Variants in TECPR2 observed in about 807,000 individuals in gnomAD.
The protein encoded by TECPR2 is tectonin beta-propeller repeat containing 2, also known as tectonin beta-propeller repeat-containing protein 2.
Under a neutral mutation model 138.1 loss-of-function variants are expected in TECPR2, and 65 were observed. The observed-to-expected ratio is 0.47, with a 90% CI of 0.39 to 0.58. The LOEUF is 0.58. TECPR2 is among the 20% of genes least tolerant of loss of function. TECPR2 has a pLI of 0.00. For missense variants in TECPR2, 1,553 were observed against 1,824.5 expected (o/e 0.85, Z 2.71); for synonymous variants, 746 against 749.8 (o/e 0.99, Z 0.08).
intron 5 of TECPR2, among the ~76,000 whole-genome samples, chr14:102,418,458 T>C (rs1567332352): frequency 6.6e-6 from 1 of 152,216 alleles, no homozygotes; most frequent in African/African-American, 2.4e-5. Flanking sequence ...GGAGGTAGCA[T>C]GGGCTGATTC....
intron 1 of TECPR2, among the ~76,000 whole-genome samples, chr14:102,365,367 G>A (rs1382684398): frequency 6.6e-6 from 1 of 152,216 alleles, no homozygotes; most frequent in African/African-American, 2.4e-5. Flanking sequence ...AGGCTTCCTG[G>A]TGGCGGAGGA....
intron 17 of TECPR2, among the ~76,000 whole-genome samples, chr14:102,485,373 CCTTT>C (rs1404440644): frequency 1.3e-5 from 2 of 152,164 alleles, no homozygotes; most frequent in African/African-American, 4.8e-5. Context: ...TTTGCCACTT[CCTTT>C]AATTTTTTCC....
At position 102,420,940 on chromosome 14, in the gene TECPR2, G is replaced by A. The variant is rs777987947; in HGVS notation, c.639-4039G>A. On this transcript the variant is annotated intron_variant, in intron 5 of 19. Coordinates refer to ENST00000359520, the MANE Select transcript of TECPR2 (RefSeq NM_014844.5). The surrounding 1 kb of genome is among the most constrained non-coding windows in gnomAD (Gnocchi z 4.1). ...AGCAGCTCTTTGAGCCTCAGATGGC[G>A]CTTCCAGATGCTGATGTGATTGTTC... Among the ~76,000 whole-genome samples the A allele has an allele frequency of 3.9e-5, 6 of 152,288 alleles. No individual in the cohort carries two copies. Among genetic ancestry groups the A allele is most frequent in the East Asian group, 1.9e-4 (1 of 5,186 alleles).
At chr14:102,456,748 C>A (rs1489684302) in intron 16 of TECPR2, among the ~76,000 whole-genome samples, 11 of 151,808 alleles carry the variant, frequency 7.2e-5, no homozygotes, top group Admixed American at 7.2e-4. Flanking sequence ...CAACACCACG[C>A]CTGGCTAATT....
intron 2 of TECPR2, among the ~76,000 whole-genome samples, chr14:102,392,760 A>G (rs75341212): frequency 1.6e-4 from 25 of 152,276 alleles, no homozygotes; most frequent in Non-Finnish European, 2.8e-4. Context: ...ACTGCTCCAC[A>G]GATGGGGTTT....
intron 9 of TECPR2, among the ~76,000 whole-genome samples, chr14:102,435,577 C>T (rs1439040827): frequency 1.3e-5 from 2 of 152,202 alleles, no homozygotes; most frequent in African/African-American, 4.8e-5. Flanking sequence ...GGACTGTCCA[C>T]CTGTGGAGTA....
At chr14:102,394,949 T>A (rs1458780208) in intron 2 of TECPR2, among the ~76,000 whole-genome samples, 2 of 152,136 alleles carry the variant, frequency 1.3e-5, no homozygotes, top group Non-Finnish European at 2.9e-5. Flanking sequence ...CCCCACTCCC[T>A]CCTTCCGCCG....
In TECPR2 at chr14:102,424,983, G is replaced by A. The variant is rs889101512; in HGVS notation, c.643G>A (p.Gly215Arg). 1 of 1,602,476 alleles carries A rather than the reference G, an allele frequency of 6.2e-7. No individual in the cohort carries two copies. The highest frequency in any genetic ancestry group is 1.3e-5 in the African/African-American group (1 of 74,338). ...QIGTQPRKST[G>R]KFGACFIPGL... The stretch of plus-strand genomic sequence containing the variant: ...CTTTCTTTCTTCTAATTTTAGTACT[G>A]GGAAATTTGGTGCTTGTTTTATACC... The change falls in exon 6 of 20, where the codon GGG becomes AGG. Residue 215 changes from glycine (G) to arginine (R), a missense_variant. Physicochemically the swap from Gly to Arg is moderately radical, Grantham distance 125. Coordinates refer to ENST00000359520, the MANE Select transcript of TECPR2 (RefSeq NM_014844.5).
intron 17 of TECPR2, among the ~76,000 whole-genome samples, chr14:102,490,592 G>A (rs961587435): frequency 1.3e-5 from 2 of 152,188 alleles, no homozygotes; most frequent in African/African-American, 4.8e-5. Context: ...CATGATTGCC[G>A]CGACCACCCG....
At position 102,414,711 on chromosome 14, in the gene TECPR2, C is replaced by T. The variant is rs2139702903; in HGVS notation, c.556C>T (p.Leu186=). ...GCTGGATTATAGCCAGAAAGTGCTG[C>T]TGGTCTCTACTCTGCAAAGAAGTCT... The part of the protein sequence containing the change: ...VQLDYSQKVL[L]VSTLQRSLLF... Residue 186 remains leucine, a synonymous_variant, in exon 5 of 20, where the codon CTG becomes TTG. Transcript: ENST00000359520. 2 of 1,614,254 alleles carry T rather than the reference C, an allele frequency of 1.2e-6. No individual in the cohort carries two copies. The highest frequency in any genetic ancestry group is 1.7e-6 in the Non-Finnish European group (2 of 1,180,050).
intron 4 of TECPR2, among the ~76,000 whole-genome samples, chr14:102,409,460 C>T (rs184973273): frequency 1.5e-4 from 23 of 151,954 alleles, no homozygotes; most frequent in African/African-American, 4.8e-4. Context: ...CCATCATGCC[C>T]GACTAATTTT....
At chr14:102,477,962 T>A (rs1428329569) in intron 17 of TECPR2, among the ~76,000 whole-genome samples, 3 of 144,466 alleles carry the variant, frequency 2.1e-5, no homozygotes, top group African/African-American at 7.8e-5. Flanking sequence ...AAAAAAGAGT[T>A]AGCCAGGACG....
At chr14:102,480,398 G>T (rs1029754476) in intron 17 of TECPR2, among the ~76,000 whole-genome samples, 1 of 151,834 alleles carries the variant, frequency 6.6e-6, no homozygotes, top group African/African-American at 2.4e-5. Context: ...CTAATGTTTT[G>T]TGTTTTTAGT....
chr14:102,425,896 G>A (rs1444094278), intron 6 of TECPR2, among the ~76,000 whole-genome samples: 1 of 71,168 alleles, frequency 1.4e-5, no homozygotes, highest in Non-Finnish European at 2.8e-5. Context: ...TTTTTTTTTT[G>A]AGATGGAGTC....
In TECPR2 at chr14:102,411,356, A is replaced by G. The variant is rs1416417906; in HGVS notation, c.480+2737A>G. On this transcript the variant is annotated intron_variant, in intron 4 of 19. Transcript: ENST00000359520. ...GACTTCCACGTACGTATACGCCCAG[A>G]TGGCCTGAAGTAACTGAAGAATCAC... 2.6e-5 allele frequency among the ~76,000 whole-genome samples: 4 copies of G among 152,364 alleles called. No homozygotes were observed. In the East Asian group the frequency reaches 7.7e-4, roughly 29 times the overall value.
chr14:102,499,142 C>G lies in TECPR2; in HGVS notation c.*885C>G. On this transcript the variant is annotated 3_prime_UTR_variant, in exon 20 of 20. Transcript: ENST00000359520. ...AAAGCCTGATGGGTGCAAATGGAAC[C>G]TGGATGTGTGCACGTGTGTCCCAGG... The G allele has an allele frequency of 1.4e-6, 1 of 702,998 alleles. No homozygotes were observed. Among genetic ancestry groups the G allele is most frequent in the Non-Finnish European group, 2.6e-6 (1 of 384,986 alleles). 43.5% of individuals were successfully genotyped at this position (702,998 alleles called of 1,614,324 possible).
chr14:102,418,917 T>A (rs3783373), intron 5 of TECPR2, among the ~76,000 whole-genome samples: 5 of 151,854 alleles, frequency 3.3e-5, no homozygotes, highest in Admixed American at 3.3e-4. Flanking sequence ...GTGGACATGC[T>A]GTGGATTGAC....
chr14:102,450,588 T>G lies in TECPR2; in HGVS notation c.3345T>G (p.Arg1115=), dbSNP rs759253652. ...CCTACTGGAATCATGTGGTTCCCCGTGGGACAGCTTCTGCTACAAAATGGG... is the reference window on the plus strand; with the variant it reads ...CCTACTGGAATCATGTGGTTCCCCGGGGGACAGCTTCTGCTACAAAATGGG... ...IGTYWNHVVP[R]GTASATKWAF... Residue 1115 remains arginine, a synonymous_variant, in exon 15 of 20, where the codon CGT becomes CGG. Transcript: ENST00000359520. 1.2e-6 allele frequency: 2 copies of G among 1,614,244 alleles called. No individual in the cohort carries two copies. Among genetic ancestry groups the G allele is most frequent in the Admixed American group, 3.3e-5 (2 of 60,032 alleles).
chr14:102,375,494 T>A lies in TECPR2; in HGVS notation c.-72-1156T>A, dbSNP rs188050719. 2.2e-3 allele frequency among the ~76,000 whole-genome samples: 329 copies of A among 152,232 alleles called. 3 individuals are homozygous for A. Among genetic ancestry groups the A allele is most frequent in the African/African-American group, 7.5e-3 (312 of 41,556 alleles). Reference sequence around the variant, plus strand: ...GGAAGAGCTCAGTAGAGAAAGAACATTCCAAGTGGACGGAACAGCCAATGC... The same window carrying A: ...GGAAGAGCTCAGTAGAGAAAGAACAATCCAAGTGGACGGAACAGCCAATGC... On this transcript the variant is annotated intron_variant, in intron 1 of 19. Transcript: ENST00000359520.
Sources: allele counts gnomAD v4.1 joint callset (sites outside exome capture counted in the v4.1 genomes callset), GRCh38; gene constraint gnomAD v4.1.1; non-coding constraint Gnocchi (gnomAD v3.1); transcripts MANE v1.5; gene names NCBI Gene and HGNC (gene_info 2026-07-23, HGNC 2026-07-21).